The following EEFSEC variants were observed in gnomAD, a reference collection of about 807,000 sequenced individuals.
The protein encoded by EEFSEC is eukaryotic elongation factor, selenocysteine-tRNA specific.
In EEFSEC, 43 loss-of-function variants were observed where a neutral mutation model predicts 42.1. The observed-to-expected ratio is 1.02, with a 90% CI of 0.80 to 1.32. EEFSEC has a LOEUF of 1.32. Ranked by LOEUF, EEFSEC falls within the 40% of genes most tolerant of loss-of-function variation. The pLI, the probability that EEFSEC is intolerant of heterozygous loss-of-function variation, is 0.00. For synonymous variants in EEFSEC, 354 were observed against 339.1 expected, an observed-to-expected ratio of 1.04 and a Z score of -0.48; for missense variants, 745 against 803.6, an observed-to-expected ratio of 0.93 and a Z score of 0.88.
intron 4 of EEFSEC, among the ~76,000 whole-genome samples, chr3:128,309,629 A>G (rs1175904264): frequency 6.6e-6 from 1 of 152,226 alleles, no homozygotes; most frequent in Non-Finnish European, 1.5e-5. Context: ...GATTCAAATT[A>G]GAGGATGCTG....
At position 128,256,941 on chromosome 3, in the gene EEFSEC, C is replaced by G. The variant is rs147640304; in HGVS notation, c.525-5187C>G. 2.4e-4 allele frequency among the ~76,000 whole-genome samples: 37 copies of G among 152,272 alleles called. 1 individual carries two copies. The highest frequency in any genetic ancestry group is 7.7e-4 in the African/African-American group (32 of 41,556). On this transcript the variant is annotated intron_variant, in intron 2 of 6. Coordinates refer to ENST00000254730, the MANE Select transcript of EEFSEC (RefSeq NM_021937.5). ...AACACTTGTTTTATAGATGGGTTCT[C>G]TCTGTGTTGCCCAGGCTGGTATAGA...
intron 1 of EEFSEC, among the ~76,000 whole-genome samples, chr3:128,167,855 CAT>C (rs2065256820): frequency 2.0e-5 from 3 of 152,308 alleles, no homozygotes; most frequent in South Asian, 4.1e-4. Flanking sequence ...TGAGTTGTCT[CAT>C]AGGTTTTTGC....
At chr3:128,404,854 G>T (rs923645026) in intron 6 of EEFSEC, among the ~76,000 whole-genome samples, 1 of 152,122 alleles carries the variant, frequency 6.6e-6, no homozygotes, top group African/African-American at 2.4e-5. Context: ...CTGGAGCCCC[G>T]TTCATATCAG....
intron 6 of EEFSEC, among the ~76,000 whole-genome samples, chr3:128,388,482 GC>G (rs1233694317): frequency 6.6e-6 from 1 of 152,238 alleles, no homozygotes; most frequent in Non-Finnish European, 1.5e-5. Flanking sequence ...CTCTGTAACT[GC>G]CGTTTAGGTG....
chr3:128,397,032 CAG>C (rs1208390010), intron 6 of EEFSEC, among the ~76,000 whole-genome samples: 1 of 152,236 alleles, frequency 6.6e-6, no homozygotes, highest in Non-Finnish European at 1.5e-5. Flanking sequence ...ACCCACAACA[CAG>C]AGGCACCCTG....
chr3:128,238,461 G>T (rs575659726), intron 1 of EEFSEC, among the ~76,000 whole-genome samples: 3 of 152,350 alleles, frequency 2.0e-5, no homozygotes, highest in African/African-American at 7.2e-5. Context: ...AACCAGTGAT[G>T]TGAAGTCCTT....
chr3:128,203,852 T>C (rs1268091889), intron 1 of EEFSEC, among the ~76,000 whole-genome samples: 1 of 152,198 alleles, frequency 6.6e-6, no homozygotes, highest in East Asian at 1.9e-4. Context: ...TGGCATTCCA[T>C]TAGATAGGAA....
chr3:128,387,085 C>T (rs73861062), intron 6 of EEFSEC, among the ~76,000 whole-genome samples: 10,763 of 152,262 alleles, frequency 0.071, 791 homozygotes, highest in African/African-American at 0.19. Flanking sequence ...CCTGGTGGCG[C>T]GTGGGCAGCT....
chr3:128,320,314 A>T (rs757331239), intron 4 of EEFSEC, among the ~76,000 whole-genome samples: 2 of 152,220 alleles, frequency 1.3e-5, no homozygotes, highest in Non-Finnish European at 2.9e-5. Flanking sequence ...CCATAATCCA[A>T]ATGAAGTTGG....
At chr3:128,294,019 T>G (rs1276285053) in intron 4 of EEFSEC, among the ~76,000 whole-genome samples, 1 of 152,238 alleles carries the variant, frequency 6.6e-6, no homozygotes, top group Non-Finnish European at 1.5e-5. Flanking sequence ...ACTTGTTCTA[T>G]TCTTGGTGAG....
intron 1 of EEFSEC, among the ~76,000 whole-genome samples, chr3:128,211,169 T>C (rs2065751947): frequency 6.6e-6 from 1 of 152,236 alleles, no homozygotes. Context: ...GTATACTATA[T>C]GCTTAAAATA....
intron 2 of EEFSEC, among the ~76,000 whole-genome samples, chr3:128,251,225 T>C (rs2066183473): frequency 2.0e-5 from 3 of 152,228 alleles, no homozygotes; most frequent in Admixed American, 2.0e-4. Context: ...ACCACTCTGT[T>C]GACCTACTAG....
chr3:128,416,034 A>T, the EEFSEC span, among the ~76,000 whole-genome samples: 61 of 152,300 alleles, frequency 4.0e-4, no homozygotes, highest in African/African-American at 1.4e-3. Context: ...GCCTGTGTGG[A>T]CACACTGACC....
chr3:128,230,906 G>T (rs13101071), intron 1 of EEFSEC, among the ~76,000 whole-genome samples: 1 of 152,108 alleles, frequency 6.6e-6, no homozygotes, highest in African/African-American at 2.4e-5. Context: ...GTTTCCCTTG[G>T]AGATCACTGG....
At chr3:128,165,115 T>G (rs931402477) in intron 1 of EEFSEC, among the ~76,000 whole-genome samples, 3 of 152,238 alleles carry the variant, frequency 2.0e-5, no homozygotes, top group Non-Finnish European at 4.4e-5. Flanking sequence ...GACACTGTTC[T>G]AGACCCGTGG....
chr3:128,283,468 AC>A (rs1268971724), intron 4 of EEFSEC, among the ~76,000 whole-genome samples: 1 of 152,076 alleles, frequency 6.6e-6, no homozygotes, highest in Admixed American at 6.5e-5. Flanking sequence ...CCATGCACTT[AC>A]TTTGTTCTGT....
chr3:128,302,785 C>A (rs549911691), intron 4 of EEFSEC, among the ~76,000 whole-genome samples: 2 of 151,950 alleles, frequency 1.3e-5, no homozygotes, highest in Non-Finnish European at 2.9e-5. Context: ...CATATACTCA[C>A]GTATATAAGT....
chr3:128,288,259 G>A lies in EEFSEC; in HGVS notation c.786+23478G>A, dbSNP rs1013845240. Among the ~76,000 whole-genome samples the A allele has an allele frequency of 2.0e-5, 3 of 152,132 alleles. No individual in the cohort carries two copies. The East Asian group carries it at 5.8e-4, about 29-fold the overall frequency. On this transcript the variant is annotated intron_variant, in intron 4 of 6. Transcript: ENST00000254730. Reference sequence around the variant, plus strand: ...TTGGCAGACAAAACTCGGCTCTGAGGGATGATGTGTTTTGGTCAAGGTCAT... The same window carrying A: ...TTGGCAGACAAAACTCGGCTCTGAGAGATGATGTGTTTTGGTCAAGGTCAT...
intron 4 of EEFSEC, among the ~76,000 whole-genome samples, chr3:128,340,684 G>A (rs2067240228): frequency 6.6e-6 from 1 of 152,208 alleles, no homozygotes; most frequent in African/African-American, 2.4e-5. Context: ...GATTCAGAGG[G>A]GCTGGGTTAC....
Sources: allele counts gnomAD v4.1 joint callset (sites outside exome capture counted in the v4.1 genomes callset), GRCh38; gene constraint gnomAD v4.1.1; transcripts MANE v1.5; gene names NCBI Gene and HGNC (gene_info 2026-07-23, HGNC 2026-07-21).